The following EBF2 variants were observed in gnomAD, a reference collection of about 807,000 sequenced individuals.
EBF2 encodes the protein EBF transcription factor 2, also known as transcription factor COE2.
EBF2 carries 21 observed loss-of-function variants against 72.8 expected under a neutral mutation model. That is an observed-to-expected ratio of 0.29 (90% CI 0.20 to 0.42). The LOEUF (loss-of-function observed/expected upper bound fraction) is 0.42. Among genes scored for constraint, EBF2 ranks in the 10% least tolerant of loss-of-function variants. The pLI, the probability that EBF2 is intolerant of heterozygous loss-of-function variation, is 1.00. For missense variants in EBF2, 637 were observed against 731.2 expected (o/e 0.87, Z 1.49); for synonymous variants, 299 against 274.2 (o/e 1.09, Z -0.89).
intron 6 of EBF2, among the ~76,000 whole-genome samples, chr8:25,972,989 G>A (rs983897322): frequency 6.7e-6 from 1 of 148,906 alleles, no homozygotes; most frequent in Admixed American, 6.7e-5. Context: ...CTCCAAGAGC[G>A]GGAGCTTTGG....
intron 6 of EBF2, among the ~76,000 whole-genome samples, chr8:26,018,015 T>C (rs1243134278): frequency 1.3e-5 from 2 of 152,014 alleles, no homozygotes; most frequent in Non-Finnish European, 2.9e-5. Flanking sequence ...ATAAGGCAAT[T>C]ATTTCTTTGG....
At chr8:26,042,799 G>C (rs1000134705) in intron 1 of EBF2, among the ~76,000 whole-genome samples, 1 of 152,206 alleles carries the variant, frequency 6.6e-6, no homozygotes, top group Non-Finnish European at 1.5e-5. Context: ...GAAAGGTAGT[G>C]GGTAAGAACC....
chr8:25,896,668 G>A (rs933361499), intron 7 of EBF2, among the ~76,000 whole-genome samples: 1 of 152,176 alleles, frequency 6.6e-6, no homozygotes, highest in African/African-American at 2.4e-5. Context: ...AACCATTAAA[G>A]GGACAGAGAA....
intron 6 of EBF2, among the ~76,000 whole-genome samples, chr8:25,927,418 A>C (rs1803405131): frequency 6.6e-6 from 1 of 150,834 alleles, no homozygotes; most frequent in Non-Finnish European, 1.5e-5. Context: ...TATCATATAT[A>C]ATATACATGA....
intron 6 of EBF2, among the ~76,000 whole-genome samples, chr8:26,012,702 G>A (rs889182654): frequency 2.0e-5 from 3 of 152,122 alleles, no homozygotes; most frequent in African/African-American, 4.8e-5. Context: ...CCATATTTGC[G>A]GTGTTTGCCA....
intron 13 of EBF2, among the ~76,000 whole-genome samples, chr8:25,859,707 A>G (rs1311842036): frequency 2.1e-4 from 32 of 150,794 alleles, no homozygotes; most frequent in Non-Finnish European, 4.4e-5. Flanking sequence ...AAATAATAAT[A>G]TGTCCTGTCT....
chr8:25,948,877 TCCAAACTCTAACTATGGTTGCAGAC>T (rs1803813371), intron 6 of EBF2, among the ~76,000 whole-genome samples: 1 of 152,176 alleles, frequency 6.6e-6, no homozygotes, highest in South Asian at 2.1e-4. Flanking sequence ...GTGGCTTTAA[TCCAAACTCTAACTATGGTTGCAGAC>T]CCCTGGGCGG....
intron 6 of EBF2, among the ~76,000 whole-genome samples, chr8:25,965,383 G>A (rs1266397383): frequency 6.6e-6 from 1 of 152,162 alleles, no homozygotes; most frequent in Non-Finnish European, 1.5e-5. Flanking sequence ...ATGCAGATTT[G>A]GGGTGCTTTT....
chr8:26,022,990 C>T (rs180764067), intron 6 of EBF2, among the ~76,000 whole-genome samples: 1 of 152,328 alleles, frequency 6.6e-6, no homozygotes, highest in Non-Finnish European at 1.5e-5. Context: ...AACAAATCAT[C>T]TAGTCAATCC....
chr8:25,894,874 G>A (rs1223449047), intron 7 of EBF2, among the ~76,000 whole-genome samples: 1 of 152,170 alleles, frequency 6.6e-6, no homozygotes. Flanking sequence ...ATTCGGAGGT[G>A]CCTGAAACTG....
chr8:26,005,998 C>T (rs1271336348), intron 6 of EBF2, among the ~76,000 whole-genome samples: 2 of 151,900 alleles, frequency 1.3e-5, no homozygotes, highest in Admixed American at 1.3e-4. Context: ...CTCCCCAGCG[C>T]AAGAAAAAAA....
At chr8:25,859,450 T>A (rs1802169296) in intron 13 of EBF2, among the ~76,000 whole-genome samples, 1 of 152,038 alleles carries the variant, frequency 6.6e-6, no homozygotes, top group Non-Finnish European at 1.5e-5. Flanking sequence ...GTGGATGAGT[T>A]CCCCTAAAAT....
At chr8:25,871,323 C>A (rs1363099719) in intron 10 of EBF2, among the ~76,000 whole-genome samples, 4 of 152,200 alleles carry the variant, frequency 2.6e-5, no homozygotes, top group Non-Finnish European at 4.4e-5. Flanking sequence ...TAATTTACAA[C>A]CTTGCCTACC....
At chr8:25,902,770 GC>G (rs1802976384) in intron 7 of EBF2, among the ~76,000 whole-genome samples, 1 of 152,180 alleles carries the variant, frequency 6.6e-6, no homozygotes, top group Admixed American at 6.5e-5. Flanking sequence ...GTCAGAAAAT[GC>G]ATCACTAAGG....
chr8:25,982,190 GTTC>G (rs1015362519), intron 6 of EBF2, among the ~76,000 whole-genome samples: 68 of 152,298 alleles, frequency 4.5e-4, no homozygotes, highest in African/African-American at 1.5e-3. Flanking sequence ...AACAGTTGAA[GTTC>G]TTCTTTTCCC....
At chr8:25,889,723 T>C (rs1263518592) in intron 8 of EBF2, 29 bp downstream of exon 8, 2 of 1,539,392 alleles carry the variant, frequency 1.3e-6, no homozygotes, top group South Asian at 1.1e-5. Flanking sequence ...ATTTCATGTG[T>C]CTGCTATGCT....
At chr8:25,925,327 T>A (rs1803369304) in intron 6 of EBF2, among the ~76,000 whole-genome samples, 2 of 150,308 alleles carry the variant, frequency 1.3e-5, no homozygotes, top group South Asian at 4.3e-4. Flanking sequence ...CTGAGAGGGG[T>A]CATCAGAGTG....
intron 6 of EBF2, among the ~76,000 whole-genome samples, chr8:25,925,831 T>C (rs1803376924): frequency 6.6e-6 from 1 of 152,108 alleles, no homozygotes. Context: ...TTCATTTTCA[T>C]AATAGGAAGA....
chr8:25,960,695 T>C (rs1026731038), intron 6 of EBF2, among the ~76,000 whole-genome samples: 2 of 152,106 alleles, frequency 1.3e-5, no homozygotes, highest in Admixed American at 1.3e-4. Context: ...GAGCCTTTGG[T>C]CTTTGATGCT....
Sources: gnomAD v4.1 joint callset for allele counts (sites outside exome capture counted in the v4.1 genomes callset) on GRCh38, gnomAD v4.1.1 for gene constraint, MANE v1.5 for transcripts, NCBI Gene and HGNC (gene_info 2026-07-23, HGNC 2026-07-21) for gene names.